ZNF462: variants seen among roughly 807,000 people sequenced by gnomAD.
ZNF462 encodes zinc finger protein 462.
Under a neutral mutation model 201.9 loss-of-function variants are expected in ZNF462, and 10 were observed. The observed-to-expected ratio is 0.05, with a 90% confidence interval of 0.03 to 0.08. ZNF462 has a LOEUF of 0.08. Among genes scored for constraint, ZNF462 ranks in the 10% least tolerant of loss-of-function variants. ZNF462 has a pLI of 1.00. For synonymous variants in ZNF462, 1,227 were observed against 1,193.3 expected, an observed-to-expected ratio of 1.03 and a Z score of -0.58; for missense variants, 2,523 against 3,168.3, an observed-to-expected ratio of 0.80 and a Z score of 4.89.
chr9:106,897,295 C>A (rs965941905), intron 1 of ZNF462, among the ~76,000 whole-genome samples: 2 of 151,932 alleles, frequency 1.3e-5, no homozygotes, highest in Non-Finnish European at 2.9e-5. Context: ...CTTATTTTTT[C>A]ACTTAACTAT....
chr9:106,929,124 G>C lies in ZNF462; in HGVS notation c.5212G>C (p.Asp1738His), dbSNP rs778866871. 6.2e-7 allele frequency: 1 copy of C among 1,614,116 alleles called. No homozygotes were observed. The highest frequency in any genetic ancestry group is 8.5e-7 in the Non-Finnish European group (1 of 1,180,028). ...HCLAASRTIS[D>H]KPNKVIIPSP... Reference sequence around the variant, plus strand: ...CTTGGCAGCCTCCAGGACCATCAGCGACAAGCCCAACAAAGTGATCATCCC... The same window carrying C: ...CTTGGCAGCCTCCAGGACCATCAGCCACAAGCCCAACAAAGTGATCATCCC... The change falls in exon 3 of 13, where the codon GAC becomes CAC. Residue 1738 changes from aspartate (D) to histidine (H), a missense_variant. This residue lies in a region of ZNF462 where 207 missense variants were observed against 231.6 expected (regional missense o/e 0.89). Coordinates refer to ENST00000277225, the MANE Select transcript of ZNF462 (RefSeq NM_021224.6). The surrounding 1 kb of genome is among the most constrained non-coding windows in gnomAD (Gnocchi z 8.7).
intron 7 of ZNF462, among the ~76,000 whole-genome samples, chr9:106,965,079 T>C (rs1832009440): frequency 2.6e-5 from 4 of 152,054 alleles, no homozygotes; most frequent in Non-Finnish European, 4.4e-5. Flanking sequence ...TGGCAAAGCA[T>C]AGAGGAAAGC....
intron 10 of ZNF462, among the ~76,000 whole-genome samples, chr9:106,999,834 G>A (rs763510317): frequency 5.9e-5 from 9 of 152,112 alleles, no homozygotes; most frequent in African/African-American, 1.7e-4. Context: ...GCCAGGAGGC[G>A]AGAATAACAC....
At chr9:106,961,361 C>G (rs1045843107) in intron 7 of ZNF462, among the ~76,000 whole-genome samples, 1 of 152,038 alleles carries the variant, frequency 6.6e-6, no homozygotes, top group African/African-American at 2.4e-5. Flanking sequence ...CTTAAATGTT[C>G]AGAAGCCATT....
rs1202507070 is a variant in ZNF462, at chr9:106,905,650, A to G, written c.-30-17704A>G. Among the ~76,000 whole-genome samples the G allele has an allele frequency of 6.6e-6, 1 of 152,070 alleles. No homozygotes were observed. The highest frequency in any genetic ancestry group is 1.9e-4 in the East Asian group (1 of 5,158). ...CCCAGGTCACTGGAGTTGTGTACCT[A>G]GGAGGATTATGGCTGCCTCTGCTGA... On this transcript the variant is annotated intron_variant, in intron 1 of 12. Coordinates refer to ENST00000277225, the MANE Select transcript of ZNF462 (RefSeq NM_021224.6). The surrounding 1 kb of genome is among the most constrained non-coding windows in gnomAD (Gnocchi z 5.9).
rs1829886066 is a variant in ZNF462, at chr9:107,010,727, A to C, written c.7314-96A>C. ...ACCCCAAGGCTTTTTGAGGATCAGG[A>C]AAATAAAGACACTCGAGGGTTTTTA... On this transcript the variant is annotated intron_variant, in intron 12 of 12. Transcript: ENST00000277225. This position sits in a 1 kb window ranked among gnomAD's most constrained non-coding sequence, Gnocchi z 4.6. 8.1e-6 allele frequency: 10 copies of C among 1,241,760 alleles called. No individual in the cohort carries two copies. In the South Asian group the frequency reaches 1.7e-4, roughly 21 times the overall value. 76.9% of individuals were successfully genotyped at this position (1,241,760 alleles called of 1,614,324 possible). A position where few individuals can be genotyped will look rare whatever the true frequency, so the allele number is the denominator to read the frequency against.
rs1307084511 is a variant in ZNF462, at chr9:107,005,792, T to G, written c.7189+2366T>G. On this transcript the variant is annotated intron_variant, in intron 11 of 12. Transcript: ENST00000277225. The surrounding 1 kb of genome is among the most constrained non-coding windows in gnomAD (Gnocchi z 4.4). ...TCATGGAGCTTTTCCCCTTTGTTTTTGTCTAGTAGTTTTATAGTTTCAGGT... is the reference window on the plus strand; with the variant it reads ...TCATGGAGCTTTTCCCCTTTGTTTTGGTCTAGTAGTTTTATAGTTTCAGGT... Among the ~76,000 whole-genome samples, 1 of 152,194 alleles carries G rather than the reference T, an allele frequency of 6.6e-6. No individual in the cohort carries two copies. Among genetic ancestry groups the G allele is most frequent in the Non-Finnish European group, 1.5e-5 (1 of 68,030 alleles).
At chr9:106,982,527 T>C (rs1369125854) in intron 9 of ZNF462, among the ~76,000 whole-genome samples, 1 of 152,238 alleles carries the variant, frequency 6.6e-6, no homozygotes. Flanking sequence ...ACTGAATGGT[T>C]AGAGGACTTA....
intron 7 of ZNF462, among the ~76,000 whole-genome samples, chr9:106,943,949 A>T (rs1301460810): frequency 2.0e-5 from 3 of 152,090 alleles, no homozygotes; most frequent in African/African-American, 7.2e-5. Context: ...TGACACAATT[A>T]CTCTGCCAAG....
Position 106,886,873 on chromosome 9 carries a change from G to T in ZNF462, c.-31+23518G>T, listed in dbSNP as rs570305659. ...AGGATTCTGTGCCTTGTCTAGGCTTGTTGGAAAAGAGTGTGGAGATCAAGC... is the reference window on the plus strand; with the variant it reads ...AGGATTCTGTGCCTTGTCTAGGCTTTTTGGAAAAGAGTGTGGAGATCAAGC... On this transcript the variant is annotated intron_variant, in intron 1 of 12. Coordinates refer to ENST00000277225, the MANE Select transcript of ZNF462 (RefSeq NM_021224.6). The surrounding 1 kb of genome is among the most constrained non-coding windows in gnomAD (Gnocchi z 4.6). 1.3e-5 allele frequency among the ~76,000 whole-genome samples: 2 copies of T among 152,128 alleles called. No individual in the cohort carries two copies. Among genetic ancestry groups the T allele is most frequent in the African/African-American group, 4.8e-5 (2 of 41,450 alleles).
chr9:106,897,711 A>G (rs1370718188), intron 1 of ZNF462, among the ~76,000 whole-genome samples: 2 of 152,238 alleles, frequency 1.3e-5, no homozygotes, highest in Non-Finnish European at 2.9e-5. Context: ...GAGAAAAGGA[A>G]GACAAAGGTA....
At chr9:106,936,120 T>G (rs1001305679) in intron 6 of ZNF462, among the ~76,000 whole-genome samples, 5 of 152,258 alleles carry the variant, frequency 3.3e-5, no homozygotes, top group African/African-American at 1.2e-4. Flanking sequence ...GTCCAGCAGC[T>G]GTGCTGGTCT....
rs73522975 is a variant in ZNF462 at position 106,925,358 on chromosome 9, G to T, written c.1446G>T (p.Ser482=). Reference sequence around the variant, plus strand: ...AATGTCCGTTTACTTGCAAGAGCTCGTTGAAACTTGGGGCTCACAAACAGT... The same window carrying T: ...AATGTCCGTTTACTTGCAAGAGCTCTTTGAAACTTGGGGCTCACAAACAGT... ...CDECPFTCKS[S]LKLGAHKQCH... Residue 482 remains serine, a synonymous_variant, in exon 3 of 13, where the codon TCG becomes TCT. Coordinates refer to ENST00000277225, the MANE Select transcript of ZNF462 (RefSeq NM_021224.6). The surrounding 1 kb of genome is among the most constrained non-coding windows in gnomAD (Gnocchi z 7.9). The T allele has an allele frequency of 6.2e-7, 1 of 1,614,198 alleles. No homozygotes were observed. Among genetic ancestry groups the T allele is most frequent in the Non-Finnish European group, 8.5e-7 (1 of 1,180,044 alleles).
Position 107,003,145 on chromosome 9 carries a change from A to G in ZNF462, c.7057-149A>G, listed in dbSNP as rs1829319604. On this transcript the variant is annotated intron_variant, in intron 10 of 12. Transcript: ENST00000277225. The surrounding 1 kb of genome is among the most constrained non-coding windows in gnomAD (Gnocchi z 4.4). ...TCCATCTCCAAAAGAGTCAAAACGA[A>G]GAAAAAGACCTCTTAGGCCCCGGAG... 9.9e-7 allele frequency: 1 copy of G among 1,011,136 alleles called. No homozygotes were observed. Among genetic ancestry groups the G allele is most frequent in the Non-Finnish European group, 1.4e-6 (1 of 700,326 alleles). 62.6% of individuals were successfully genotyped at this position (1,011,136 alleles called of 1,614,324 possible). A position where few individuals can be genotyped will look rare whatever the true frequency, so the allele number is the denominator to read the frequency against.
intron 7 of ZNF462, among the ~76,000 whole-genome samples, chr9:106,960,904 A>G (rs553022448): frequency 1.1e-4 from 17 of 152,242 alleles, no homozygotes; most frequent in African/African-American, 4.1e-4. Flanking sequence ...TTTCTGAGCC[A>G]CTACAAGTCT....
chr9:106,908,481 C>A (rs1359185360), intron 1 of ZNF462, among the ~76,000 whole-genome samples: 2 of 151,856 alleles, frequency 1.3e-5, no homozygotes, highest in Non-Finnish European at 2.9e-5. Context: ...TTTCTTCCTT[C>A]TTTTGCTTGG....
intron 1 of ZNF462, among the ~76,000 whole-genome samples, chr9:106,864,043 T>TCG (rs1564062306): frequency 2.8e-4 from 8 of 29,030 alleles, no homozygotes; most frequent in African/African-American, 1.1e-3. Context: ...TATTTGGCTC[T>TCG]CTCTCTCTCT....
In ZNF462 at chr9:106,974,448, C is replaced by A; in HGVS notation, c.6832+175C>A. On this transcript the variant is annotated intron_variant, in intron 9 of 12. Transcript: ENST00000277225. This position sits in a 1 kb window ranked among gnomAD's most constrained non-coding sequence, Gnocchi z 4.0. ...ACAGCCAAAAGGGCAAAAACACCTT[C>A]CTGCTGGGAGTATTTCCTCCACCTG... The A allele has an allele frequency of 3.2e-6, 3 of 923,960 alleles. No individual in the cohort carries two copies. Among genetic ancestry groups the A allele is most frequent in the Non-Finnish European group, 5.2e-6 (3 of 575,074 alleles). 57.2% of individuals were successfully genotyped at this position (923,960 alleles called of 1,614,324 possible). A position where few individuals can be genotyped will look rare whatever the true frequency, so the allele number is the denominator to read the frequency against.
At chr9:106,907,181 C>T (rs997885296) in intron 1 of ZNF462, among the ~76,000 whole-genome samples, 2 of 152,052 alleles carry the variant, frequency 1.3e-5, no homozygotes, top group Non-Finnish European at 2.9e-5. Context: ...TAATGAGCTC[C>T]TGGATTTTAT....
Sources: gnomAD v4.1 joint callset for allele counts (sites outside exome capture counted in the v4.1 genomes callset) on GRCh38, gnomAD v4.1.1 for gene constraint, gnomAD v4.1.1 regional missense constraint, Gnocchi (gnomAD v3.1) non-coding constraint, MANE v1.5 for transcripts, NCBI Gene and HGNC (gene_info 2026-07-23, HGNC 2026-07-21) for gene names.